Variants in RBFOX1 observed in about 807,000 individuals in gnomAD.
RBFOX1 encodes RNA binding protein fox-1 homolog 1.
RBFOX1 carries 8 observed loss-of-function variants against 57.7 expected under a neutral mutation model. The observed-to-expected ratio is 0.14, with a 90% CI of 0.08 to 0.25. The LOEUF (loss-of-function observed/expected upper bound fraction) is 0.25, where lower values mean the gene tolerates loss of function less well. RBFOX1 is among the 10% of genes least tolerant of loss of function. The pLI, the probability that RBFOX1 is intolerant of heterozygous loss-of-function variation, is 1.00. For missense variants in RBFOX1, 611 were observed against 548.5 expected (o/e 1.11, Z -1.14); for synonymous variants, 326 against 222.4 (o/e 1.47, Z -4.15).
chr16:5,668,282 A>G (rs1374733018), intron 3 of RBFOX1, among the ~76,000 whole-genome samples: 2 of 152,336 alleles, frequency 1.3e-5, no homozygotes, highest in African/African-American at 2.4e-5. Flanking sequence ...CTCCATCTCA[A>G]AAACAACAAA....
At chr16:6,409,554 C>T (rs1596768176) in intron 2 of RBFOX1, among the ~76,000 whole-genome samples, 1 of 152,054 alleles carries the variant, frequency 6.6e-6, no homozygotes, top group African/African-American at 2.4e-5. Flanking sequence ...TGATAATATA[C>T]CTCCATGAAA....
At chr16:5,636,072 G>A (rs1395624131) in intron 3 of RBFOX1, among the ~76,000 whole-genome samples, 1 of 152,164 alleles carries the variant, frequency 6.6e-6, no homozygotes, top group Non-Finnish European at 1.5e-5. Context: ...AAAAAGGCTG[G>A]CATGGTGGCT....
chr16:6,163,461 T>C (rs1446746086), intron 1 of RBFOX1, among the ~76,000 whole-genome samples: 4 of 152,216 alleles, frequency 2.6e-5, no homozygotes, highest in Admixed American at 2.6e-4. Context: ...CTAAATACGT[T>C]AGTAGCTGAA....
intron 4 of RBFOX1, among the ~76,000 whole-genome samples, chr16:7,454,241 C>A (rs2058019361): frequency 6.6e-6 from 1 of 151,930 alleles, no homozygotes; most frequent in African/African-American, 2.4e-5. Context: ...CCCCACCAAC[C>A]CCCCCAAAAA....
chr16:7,348,740 A>G (rs2097068453), intron 4 of RBFOX1, among the ~76,000 whole-genome samples: 1 of 152,154 alleles, frequency 6.6e-6, no homozygotes, highest in Non-Finnish European at 1.5e-5. Context: ...TCAGGAGTTC[A>G]AGACCACCCT....
intron 4 of RBFOX1, among the ~76,000 whole-genome samples, chr16:7,075,704 C>T (rs1349741041): frequency 1.3e-5 from 2 of 152,026 alleles, no homozygotes; most frequent in Admixed American, 6.5e-5. Flanking sequence ...CCTCAGTCTC[C>T]CGAGTAGCTG....
intron 2 of RBFOX1, among the ~76,000 whole-genome samples, chr16:6,446,966 C>T (rs563654944): frequency 6.6e-6 from 1 of 152,226 alleles, no homozygotes; most frequent in South Asian, 2.1e-4. Flanking sequence ...TTGTGTTTTG[C>T]CTGTACTTTT....
intron 1 of RBFOX1, among the ~76,000 whole-genome samples, chr16:6,142,514 C>CA (rs2096726908): frequency 6.6e-6 from 1 of 151,882 alleles, no homozygotes; most frequent in African/African-American, 2.4e-5. Flanking sequence ...AGCCACCATG[C>CA]CTGGCCAAAA....
At chr16:5,376,872 C>A (rs561140729) in intron 1 of RBFOX1, among the ~76,000 whole-genome samples, 1 of 151,798 alleles carries the variant, frequency 6.6e-6, no homozygotes, top group African/African-American at 2.4e-5. Context: ...GGTTCTGCGT[C>A]ATCTCCAAGT....
chr16:6,494,144 T>C lies in RBFOX1; in HGVS notation c.-63-160459T>C, dbSNP rs978193237. On this transcript the variant is annotated intron_variant, in intron 2 of 15. Coordinates refer to ENST00000550418, the MANE Select transcript of RBFOX1 (RefSeq NM_018723.4). The stretch of plus-strand genomic sequence containing the variant: ...TCTCTTGTACACTATTCTCTAATGG[T>C]AATATTTTACCAAACTGTAGTATCA... 3.9e-5 allele frequency among the ~76,000 whole-genome samples: 6 copies of C among 152,346 alleles called. 1 individual carries two copies. The highest frequency in any genetic ancestry group is 6.5e-5 in the Admixed American group (1 of 15,302).
At chr16:7,010,410 T>C (rs2093596905) in intron 3 of RBFOX1, among the ~76,000 whole-genome samples, 2 of 152,114 alleles carry the variant, frequency 1.3e-5, no homozygotes, top group Admixed American at 6.5e-5. Context: ...GTGATTATTA[T>C]ATGCATTGGC....
At chr16:7,666,847 C>T (rs1445157485) in intron 13 of RBFOX1, among the ~76,000 whole-genome samples, 1 of 152,192 alleles carries the variant, frequency 6.6e-6, no homozygotes, top group African/African-American at 2.4e-5. Context: ...GATTTTGTCT[C>T]TCACACATTC....
intron 2 of RBFOX1, among the ~76,000 whole-genome samples, chr16:6,533,014 T>C (rs556019866): frequency 6.6e-6 from 1 of 152,184 alleles, no homozygotes; most frequent in African/African-American, 2.4e-5. Context: ...TGGGAATGAG[T>C]CCTAAGAAGA....
At chr16:6,745,004 A>G (rs2073233302) in intron 3 of RBFOX1, among the ~76,000 whole-genome samples, 1 of 152,078 alleles carries the variant, frequency 6.6e-6, no homozygotes, top group African/African-American at 2.4e-5. Context: ...AGGAGGCATC[A>G]CTACAGACTC....
At chr16:6,635,566 A>G (rs1042869843) in intron 2 of RBFOX1, among the ~76,000 whole-genome samples, 12 of 152,170 alleles carry the variant, frequency 7.9e-5, no homozygotes, top group Non-Finnish European at 1.6e-4. Flanking sequence ...AAAAAGAGGT[A>G]TCAATAAAAA....
chr16:6,309,710 G>A (rs556943485), intron 1 of RBFOX1, among the ~76,000 whole-genome samples: 10 of 151,916 alleles, frequency 6.6e-5, no homozygotes, highest in African/African-American at 1.9e-4. Context: ...CTAGAGCTTC[G>A]GGGAGAAGTT....
chr16:5,727,640 C>G (rs116631763), intron 3 of RBFOX1, among the ~76,000 whole-genome samples: 1,961 of 152,210 alleles, frequency 0.013, 52 homozygotes, highest in African/African-American at 0.044. Flanking sequence ...TTTACCCACC[C>G]TCAAGCTCTT....
chr16:6,828,181 G>C (rs984267710), intron 3 of RBFOX1, among the ~76,000 whole-genome samples: 4 of 152,128 alleles, frequency 2.6e-5, no homozygotes, highest in Admixed American at 6.5e-5. Context: ...TGGAGTCTCA[G>C]CACTTCCCTT....
At chr16:6,789,598 C>T (rs772532343) in intron 3 of RBFOX1, among the ~76,000 whole-genome samples, 1 of 152,162 alleles carries the variant, frequency 6.6e-6, no homozygotes, top group Non-Finnish European at 1.5e-5. Flanking sequence ...CTGTTTGACT[C>T]AGTGCTGTGC....
Sources: allele counts gnomAD v4.1 joint callset (sites outside exome capture counted in the v4.1 genomes callset), GRCh38; gene constraint gnomAD v4.1.1; transcripts MANE v1.5; gene names NCBI Gene and HGNC (gene_info 2026-07-23, HGNC 2026-07-21).